Variants in TBC1D5 observed in about 807,000 individuals in gnomAD.
The protein encoded by TBC1D5 is TBC1 domain family member 5.
A neutral mutation model predicts 100.3 loss-of-function variants in TBC1D5; 75 were observed. The observed-to-expected ratio is 0.75, with a 90% CI of 0.62 to 0.91. TBC1D5 has a LOEUF of 0.91. Among genes scored for constraint, TBC1D5 ranks in the 40% least tolerant of loss-of-function variants. The pLI is 0.00. For synonymous variants in TBC1D5, 323 were observed against 325.6 expected (o/e 0.99, Z 0.09); for missense variants, 910 against 942.4 (o/e 0.97, Z 0.45).
chr3:17,158,119 A>C (rs985769200), exon 22 of TBC1D5: 1 of 152,264 alleles, frequency 6.6e-6, no homozygotes, highest in African/African-American at 2.4e-5. Flanking sequence ...GGTAAGGCAA[A>C]GTAATTAGAC....
intron 13 of TBC1D5, among the ~76,000 whole-genome samples, chr3:17,371,606 C>T (rs980988137): frequency 3.9e-5 from 6 of 152,114 alleles, no homozygotes; most frequent in African/African-American, 1.4e-4. Flanking sequence ...ATACCATACA[C>T]AGGTGAAAGT....
chr3:17,695,679 G>A (rs1440635386), intron 1 of TBC1D5, among the ~76,000 whole-genome samples: 2 of 152,142 alleles, frequency 1.3e-5, no homozygotes, highest in African/African-American at 4.8e-5. Context: ...GTCAATATTA[G>A]ACAGATCAAC....
chr3:17,531,297 AAGG>A (rs2096221125), intron 2 of TBC1D5, among the ~76,000 whole-genome samples: 2 of 152,212 alleles, frequency 1.3e-5, no homozygotes, highest in South Asian at 4.1e-4. Context: ...GGACTTCTTC[AAGG>A]AGAACTACAA....
At chr3:17,262,760 C>T (rs1190315260) in intron 15 of TBC1D5, among the ~76,000 whole-genome samples, 5 of 151,966 alleles carry the variant, frequency 3.3e-5, no homozygotes, top group South Asian at 4.2e-4. Flanking sequence ...GGATTACAGG[C>T]GTGAGCCACC....
chr3:17,426,594 A>G (rs2094341835), intron 4 of TBC1D5, among the ~76,000 whole-genome samples: 2 of 152,072 alleles, frequency 1.3e-5, no homozygotes, highest in Non-Finnish European at 2.9e-5. Context: ...ATTTTTAAAC[A>G]ATGACAGGCA....
chr3:17,406,156 T>C (rs1005358458), intron 5 of TBC1D5, among the ~76,000 whole-genome samples: 6 of 152,100 alleles, frequency 3.9e-5, no homozygotes, highest in Non-Finnish European at 7.4e-5. Flanking sequence ...TGTAAAAGTG[T>C]TGCTCTGAAT....
chr3:17,410,775 T>A (rs1486860568), intron 4 of TBC1D5, among the ~76,000 whole-genome samples: 1 of 152,130 alleles, frequency 6.6e-6, no homozygotes. Flanking sequence ...TATAATCTCA[T>A]ATATATAAAA....
At chr3:17,662,801 T>C (rs1208208112) in intron 1 of TBC1D5, among the ~76,000 whole-genome samples, 1 of 152,214 alleles carries the variant, frequency 6.6e-6, no homozygotes, top group Non-Finnish European at 1.5e-5. Context: ...GTGAGTTTTT[T>C]TTTAAATAAT....
intron 18 of TBC1D5, among the ~76,000 whole-genome samples, chr3:17,203,556 C>T (rs937525932): frequency 2.0e-5 from 3 of 152,196 alleles, no homozygotes; most frequent in African/African-American, 7.2e-5. Context: ...ACCCAAATCT[C>T]ATCTTGAATT....
Position 17,347,666 on chromosome 3 carries a change from A to G in TBC1D5, c.995+24409T>C, listed in dbSNP as rs79720204. On this transcript the variant is annotated intron_variant, in intron 13 of 21. Coordinates refer to ENST00000253692, the Ensembl canonical transcript of TBC1D5. ...CACTTTCTATCACTTAAAAAAAAAAATCAAAGAAAGTCTGAGCTCGGAATT... is the reference window on the plus strand; with the variant it reads ...CACTTTCTATCACTTAAAAAAAAAAGTCAAAGAAAGTCTGAGCTCGGAATT... Among the ~76,000 whole-genome samples, 768 of 152,182 alleles carry G rather than the reference A, an allele frequency of 5.0e-3. 4 individuals are homozygous for G. Among genetic ancestry groups the G allele is most frequent in the African/African-American group, 0.017 (722 of 41,500 alleles).
chr3:17,443,887 T>TA (rs1232259237), intron 3 of TBC1D5, among the ~76,000 whole-genome samples: 1 of 152,120 alleles, frequency 6.6e-6, no homozygotes, highest in Non-Finnish European at 1.5e-5. Context: ...AACAACATTT[T>TA]AAAAAATGAA....
chr3:17,417,202 T>C (rs2094099933), intron 4 of TBC1D5, among the ~76,000 whole-genome samples: 1 of 152,132 alleles, frequency 6.6e-6, no homozygotes, highest in South Asian at 2.1e-4. Context: ...TTTTTAATTA[T>C]TATTATACTT....
At chr3:17,194,754 A>G (rs1177499242) in intron 18 of TBC1D5, among the ~76,000 whole-genome samples, 1 of 152,224 alleles carries the variant, frequency 6.6e-6, no homozygotes, top group African/African-American at 2.4e-5. Flanking sequence ...AAGAACTTTT[A>G]GCCTTTAGAA....
chr3:17,515,547 T>C (rs1397119032), intron 2 of TBC1D5, among the ~76,000 whole-genome samples: 1 of 152,204 alleles, frequency 6.6e-6, no homozygotes, highest in African/African-American at 2.4e-5. Flanking sequence ...AAAGAAGTTA[T>C]GTGACTTATG....
intron 1 of TBC1D5, among the ~76,000 whole-genome samples, chr3:17,712,342 C>CTCTT (rs2074820981): frequency 6.6e-6 from 1 of 152,092 alleles, no homozygotes; most frequent in Admixed American, 6.5e-5. Context: ...AAATCAGAAC[C>CTCTT]GCAAAGCTGC....
At position 17,262,478 on chromosome 3, in the gene TBC1D5, G is replaced by GTT. The variant is rs746293280; in HGVS notation, c.1246-3889_1246-3888dup. Among the ~76,000 whole-genome samples, 590 of 114,946 alleles carry GTT rather than the reference G, an allele frequency of 5.1e-3. 3 individuals carry two copies. The highest frequency in any genetic ancestry group is 7.4e-3 in the Non-Finnish European group (417 of 56,534). 75.4% of individuals were successfully genotyped at this position (114,946 alleles called of 152,430 possible). A position where few individuals can be genotyped will look rare whatever the true frequency, so the allele number is the denominator to read the frequency against. On this transcript the variant is annotated intron_variant, in intron 15 of 21. Transcript: ENST00000253692. Reference sequence around the variant, plus strand: ...CTATCATGAGCATTTCCAAAACAATGTTTTTTTTTTTTTTTTTTTTTGAGA... The same window carrying GTT: ...CTATCATGAGCATTTCCAAAACAATGTTTTTTTTTTTTTTTTTTTTTTTGAGA...
intron 2 of TBC1D5, among the ~76,000 whole-genome samples, chr3:17,510,935 C>T (rs1353750951): frequency 6.6e-6 from 1 of 151,792 alleles, no homozygotes; most frequent in African/African-American, 2.4e-5. Flanking sequence ...GTATTAAAGC[C>T]AAAATTGAAG....
intron 18 of TBC1D5, among the ~76,000 whole-genome samples, chr3:17,211,265 T>C (rs1419054197): frequency 1.3e-5 from 2 of 152,238 alleles, no homozygotes; most frequent in Non-Finnish European, 2.9e-5. Flanking sequence ...AGTATATTTA[T>C]AGCTGTGTAT....
intron 1 of TBC1D5, chr3:17,706,029 T>A: frequency 1.3e-6 from 2 of 1,556,256 alleles, no homozygotes; most frequent in Non-Finnish European, 1.7e-6. Flanking sequence ...AGCCTGGACT[T>A]ACACCATGTT....
Sources: gnomAD v4.1 joint callset for allele counts (sites outside exome capture counted in the v4.1 genomes callset) on GRCh38, gnomAD v4.1.1 for gene constraint, MANE v1.5 for transcripts, NCBI Gene and HGNC (gene_info 2026-07-23, HGNC 2026-07-21) for gene names.